COL21A1: variants seen among roughly 807,000 people sequenced by gnomAD.
COL21A1 encodes the protein collagen alpha-1(XXI) chain.
In COL21A1, 149 loss-of-function variants were observed where a neutral mutation model predicts 137.9. The ratio of observed to expected loss-of-function variants is 1.08; its 90% CI spans 0.95 to 1.24. The LOEUF is 1.24. Ranked by LOEUF, COL21A1 falls within the 50% of genes most tolerant of loss-of-function variation. COL21A1 has a pLI of 0.00. For synonymous variants in COL21A1, 456 were observed against 391.5 expected (o/e 1.16, Z -1.95); for missense variants, 1,167 against 1,158.4 (o/e 1.01, Z -0.11).
chr6:56,097,803 A>C (rs1483740520), intron 17 of COL21A1, among the ~76,000 whole-genome samples: 2 of 108,826 alleles, frequency 1.8e-5, no homozygotes, highest in Non-Finnish European at 3.5e-5. Flanking sequence ...ATATAAATCT[A>C]TATAAATATA....
At chr6:56,115,220 A>G (rs1771814212) in intron 16 of COL21A1, among the ~76,000 whole-genome samples, 1 of 151,760 alleles carries the variant, frequency 6.6e-6, no homozygotes, top group Admixed American at 6.6e-5. Context: ...GGTGCAGCGC[A>G]CCAGCATGGC....
At position 56,198,320 on chromosome 6, in the gene COL21A1, T is replaced by A. The variant is rs1285612527; in HGVS notation, c.-38-15664A>T. ...CAGCATAGTAACTACAGTTAATAAT[T>A]TATTTTATACTTGAAATTAGCTGAG... On this transcript the variant is annotated intron_variant, in intron 1 of 29. Transcript: ENST00000244728. Among the ~76,000 whole-genome samples, 9 of 152,212 alleles carry A rather than the reference T, an allele frequency of 5.9e-5. No homozygotes were observed. In the East Asian group the frequency reaches 7.7e-4, roughly 13 times the overall value.
At chr6:56,158,266 C>CTTTTTTTTTTTTTTTTTTTTTTTTTTT (rs67453245) in intron 9 of COL21A1, among the ~76,000 whole-genome samples, 9 of 62,408 alleles carry the variant, frequency 1.4e-4, no homozygotes, top group Admixed American at 2.5e-4. Context: ...TTTTTTTTTT[C>CTTTTTTTTTTTTTTTTTTTTTTTTTTT]TTTTTTTTTT....
At chr6:56,172,884 C>T (rs1777174792) in intron 3 of COL21A1, among the ~76,000 whole-genome samples, 1 of 151,526 alleles carries the variant, frequency 6.6e-6, no homozygotes, top group African/African-American at 2.4e-5. Flanking sequence ...CCTATGATAA[C>T]CTCAAAGAAA....
chr6:56,155,146 A>G (rs1464609444), intron 10 of COL21A1, among the ~76,000 whole-genome samples: 1 of 152,142 alleles, frequency 6.6e-6, no homozygotes, highest in Non-Finnish European at 1.5e-5. Flanking sequence ...TTTAGCTCCC[A>G]GTGATAAGTG....
At chr6:56,196,018 T>C (rs180680567) in intron 1 of COL21A1, among the ~76,000 whole-genome samples, 19 of 152,260 alleles carry the variant, frequency 1.2e-4, no homozygotes, top group African/African-American at 3.6e-4. Context: ...AAGTGTCATA[T>C]GCATGACCTA....
chr6:56,231,341 A>C (rs548910438), intron 1 of COL21A1, among the ~76,000 whole-genome samples: 9 of 152,044 alleles, frequency 5.9e-5, no homozygotes, highest in African/African-American at 1.7e-4. Flanking sequence ...CATTATATTC[A>C]GTTCGGTAAC....
intron 1 of COL21A1, among the ~76,000 whole-genome samples, chr6:56,245,574 C>T (rs1782593682): frequency 6.6e-6 from 1 of 152,166 alleles, no homozygotes; most frequent in African/African-American, 2.4e-5. Flanking sequence ...ATTTAACTTA[C>T]TATGCTAGGC....
intron 10 of COL21A1, among the ~76,000 whole-genome samples, chr6:56,150,314 C>T (rs1775193472): frequency 6.6e-6 from 1 of 152,058 alleles, no homozygotes. Context: ...GCCAGGAAAT[C>T]GAGACCATCC....
At chr6:56,209,441 T>A (rs1377513381) in intron 1 of COL21A1, among the ~76,000 whole-genome samples, 2 of 151,706 alleles carry the variant, frequency 1.3e-5, no homozygotes, top group Non-Finnish European at 2.9e-5. Flanking sequence ...AAGAAAAAAA[T>A]AAGCAACCCC....
At chr6:56,062,012 C>T (rs1459471080) in intron 24 of COL21A1, among the ~76,000 whole-genome samples, 1 of 152,014 alleles carries the variant, frequency 6.6e-6, no homozygotes, top group Non-Finnish European at 1.5e-5. Flanking sequence ...AATAAAAACT[C>T]AAATCAGATT....
intron 3 of COL21A1, among the ~76,000 whole-genome samples, chr6:56,176,114 C>A (rs1407540089): frequency 6.6e-6 from 1 of 151,934 alleles, no homozygotes; most frequent in Admixed American, 6.6e-5. Context: ...TTACACCATA[C>A]ACAAAAAACA....
At chr6:56,100,194 C>T (rs748056430) in intron 17 of COL21A1, among the ~76,000 whole-genome samples, 1 of 152,218 alleles carries the variant, frequency 6.6e-6, no homozygotes, top group Non-Finnish European at 1.5e-5. Context: ...CTTTAACCAT[C>T]TCACATATGT....
At chr6:56,335,407 C>A (rs1297723407) in intron 1 of COL21A1, among the ~76,000 whole-genome samples, 1 of 152,138 alleles carries the variant, frequency 6.6e-6, no homozygotes. Context: ...TAGTGACAAT[C>A]CCAGAAATTA....
At chr6:56,224,312 T>C (rs1354691364) in intron 1 of COL21A1, among the ~76,000 whole-genome samples, 1 of 152,102 alleles carries the variant, frequency 6.6e-6, no homozygotes, top group Non-Finnish European at 1.5e-5. Flanking sequence ...TAGGGTAAAA[T>C]CTCAGGCTCA....
intron 1 of COL21A1, among the ~76,000 whole-genome samples, chr6:56,287,635 G>A (rs1763947653): frequency 6.6e-6 from 1 of 152,008 alleles, no homozygotes; most frequent in Admixed American, 6.6e-5. Flanking sequence ...TTCCTGTACA[G>A]CCTAGAGAAC....
chr6:56,110,664 C>G (rs7769878), intron 16 of COL21A1, among the ~76,000 whole-genome samples: 13,636 of 151,608 alleles, frequency 0.09, 1,181 homozygotes, highest in East Asian at 0.49. Context: ...ATCAATATAC[C>G]AAAACTAACA....
chr6:56,366,441 A>T (rs1301392292), intron 1 of COL21A1, among the ~76,000 whole-genome samples: 1 of 150,410 alleles, frequency 6.6e-6, no homozygotes, highest in East Asian at 2.0e-4. Flanking sequence ...GAGAATCAGG[A>T]GTAAGAATGG....
intron 14 of COL21A1, among the ~76,000 whole-genome samples, chr6:56,124,833 G>A (rs1772886153): frequency 6.6e-6 from 1 of 151,756 alleles, no homozygotes; most frequent in Non-Finnish European, 1.5e-5. Flanking sequence ...TTTTACTAGA[G>A]ACGGGGTTTC....
Sources: allele counts gnomAD v4.1 joint callset (sites outside exome capture counted in the v4.1 genomes callset), GRCh38; gene constraint gnomAD v4.1.1; transcripts MANE v1.5; gene names NCBI Gene and HGNC (gene_info 2026-07-23, HGNC 2026-07-21).